Variants in EXOC6B observed in about 807,000 individuals in gnomAD.
The protein encoded by EXOC6B is SEC15 homolog B.
A neutral mutation model predicts 113.5 loss-of-function variants in EXOC6B; 54 were observed. The ratio of observed to expected loss-of-function variants is 0.48; its 90% CI spans 0.38 to 0.60. The LOEUF (loss-of-function observed/expected upper bound fraction) is 0.60, where lower values mean the gene tolerates loss of function less well. Among genes scored for constraint, EXOC6B ranks in the 20% least tolerant of loss-of-function variants. The probability of loss-of-function intolerance (pLI) is 0.00; values close to 1 mark genes in which losing one functional copy is unlikely to be tolerated. For missense variants in EXOC6B, 797 were observed against 977.5 expected (o/e 0.82, Z 2.46); for synonymous variants, 357 against 339.0 (o/e 1.05, Z -0.58).
intron 20 of EXOC6B, among the ~76,000 whole-genome samples, chr2:72,300,882 A>G (rs572338582): frequency 1.3e-5 from 2 of 152,210 alleles, no homozygotes; most frequent in East Asian, 3.9e-4. Context: ...AGTCCCAATG[A>G]GATGAACCGG....
At chr2:72,299,972 G>A (rs1292298596) in intron 20 of EXOC6B, among the ~76,000 whole-genome samples, 3 of 152,148 alleles carry the variant, frequency 2.0e-5, no homozygotes, top group African/African-American at 7.2e-5. Flanking sequence ...CTAGTGGGAG[G>A]TGTCTCCCAG....
At chr2:72,575,390 G>T in intron 7 of EXOC6B, 102 bp downstream of exon 7, 1 of 1,035,206 alleles carries the variant, frequency 9.7e-7, no homozygotes, top group Non-Finnish European at 1.3e-6. Context: ...ATATTCAGAA[G>T]ATCACACAAA....
chr2:72,545,062 T>C (rs982376399), intron 8 of EXOC6B, among the ~76,000 whole-genome samples: 10 of 152,096 alleles, frequency 6.6e-5, no homozygotes, highest in African/African-American at 2.4e-4. Flanking sequence ...ATAACAGATA[T>C]TTACTACAGT....
chr2:72,398,034 G>A (rs1229478188), intron 18 of EXOC6B, among the ~76,000 whole-genome samples: 2 of 152,184 alleles, frequency 1.3e-5, no homozygotes, highest in Non-Finnish European at 2.9e-5. Flanking sequence ...GCCACCAGGT[G>A]CTCAAATATT....
chr2:72,701,428 G>C (rs1455091897), intron 6 of EXOC6B, among the ~76,000 whole-genome samples: 1 of 150,364 alleles, frequency 6.7e-6, no homozygotes, highest in Non-Finnish European at 1.5e-5. Context: ...TATCAAAGTT[G>C]AATATAATAG....
At chr2:72,628,176 G>C (rs1672175812) in intron 6 of EXOC6B, among the ~76,000 whole-genome samples, 1 of 151,484 alleles carries the variant, frequency 6.6e-6, no homozygotes, top group Non-Finnish European at 1.5e-5. Flanking sequence ...CCAGGCTGGA[G>C]TACAGAAGCA....
intron 2 of EXOC6B, 103 bp downstream of exon 2, chr2:72,741,201 C>T: frequency 8.8e-7 from 1 of 1,141,314 alleles, no homozygotes; most frequent in Non-Finnish European, 1.2e-6. Context: ...ATACAAAAAT[C>T]TTCACTACAA....
intron 6 of EXOC6B, among the ~76,000 whole-genome samples, chr2:72,588,280 A>T (rs1208130835): frequency 1.3e-5 from 2 of 152,148 alleles, no homozygotes; most frequent in Non-Finnish European, 2.9e-5. Flanking sequence ...AAGCAAACCA[A>T]ACATTCATCA....
chr2:72,272,494 A>G lies in EXOC6B; in HGVS notation c.2196+62453T>C, dbSNP rs1684553548. 3.3e-5 allele frequency among the ~76,000 whole-genome samples: 5 copies of G among 152,234 alleles called. No individual in the cohort carries two copies. The South Asian group carries it at 1.0e-3, about 32-fold the overall frequency. On this transcript the variant is annotated intron_variant, in intron 20 of 21. Coordinates refer to ENST00000272427, the MANE Select transcript of EXOC6B (RefSeq NM_015189.3). ...TCAAGTATACCTAGGTGCTTTCCTC[A>G]TCACTGCATTGACCTGTACCTGAAC...
chr2:72,671,160 A>C lies in EXOC6B; in HGVS notation c.669+46943T>G, dbSNP rs111310907. ...TAGGCAACAAAAGCAAAAATAGACA[A>C]ACAGGATTACATTAAGCTAAAAAGC... On this transcript the variant is annotated intron_variant, in intron 6 of 21. Coordinates refer to ENST00000272427, the MANE Select transcript of EXOC6B (RefSeq NM_015189.3). Among the ~76,000 whole-genome samples, 48 of 152,320 alleles carry C rather than the reference A, an allele frequency of 3.2e-4. 1 individual carries two copies. The highest frequency in any genetic ancestry group is 9.9e-4 in the African/African-American group (41 of 41,576).
At chr2:72,389,249 C>T (rs1445047650) in intron 18 of EXOC6B, among the ~76,000 whole-genome samples, 1 of 151,726 alleles carries the variant, frequency 6.6e-6, no homozygotes, top group Non-Finnish European at 1.5e-5. Flanking sequence ...GTATCTGAGG[C>T]TTTGTAATAA....
At chr2:72,320,940 T>G (rs1213259964) in intron 20 of EXOC6B, among the ~76,000 whole-genome samples, 2 of 151,988 alleles carry the variant, frequency 1.3e-5, no homozygotes, top group Non-Finnish European at 2.9e-5. Flanking sequence ...AATAAAATAT[T>G]TGAACAAATA....
chr2:72,643,875 AC>A (rs1212833099), intron 6 of EXOC6B, among the ~76,000 whole-genome samples: 1 of 152,036 alleles, frequency 6.6e-6, no homozygotes, highest in Non-Finnish European at 1.5e-5. Flanking sequence ...ATTCAAAAAA[AC>A]AGAGCGCCTC....
chr2:72,512,993 C>G, intron 11 of EXOC6B, 139 bp downstream of exon 11: 2 of 991,330 alleles, frequency 2.0e-6, no homozygotes, highest in Middle Eastern at 2.4e-4. Flanking sequence ...GAAGCAGCTA[C>G]TTCTATGTCT....
intron 20 of EXOC6B, among the ~76,000 whole-genome samples, chr2:72,287,430 CA>C (rs60011551): frequency 0.42 from 44,045 of 104,992 alleles, 8,777 homozygotes; most frequent in African/African-American, 0.66. Flanking sequence ...GACTTCATCT[CA>C]AAAAAAAAAA....
chr2:72,572,959 G>A (rs1335434473), intron 7 of EXOC6B, among the ~76,000 whole-genome samples: 1 of 152,116 alleles, frequency 6.6e-6, no homozygotes, highest in African/African-American at 2.4e-5. Flanking sequence ...CTTGATTTGA[G>A]ATATGGAACC....
At chr2:72,365,527 A>G (rs1232419850) in intron 19 of EXOC6B, among the ~76,000 whole-genome samples, 1 of 152,168 alleles carries the variant, frequency 6.6e-6, no homozygotes, top group East Asian at 1.9e-4. Flanking sequence ...AAGGGAGAGA[A>G]CTGAAACAGA....
intron 18 of EXOC6B, among the ~76,000 whole-genome samples, chr2:72,440,133 G>A (rs1696114106): frequency 6.6e-6 from 1 of 152,160 alleles, no homozygotes; most frequent in South Asian, 2.1e-4. Context: ...CTGTTGGGAG[G>A]TCTCACCTAG....
rs374773725 is a variant in EXOC6B, at chr2:72,379,810, G to C, written c.2041C>G (p.Gln681Glu). The change falls in exon 19 of 22, where the codon CAA becomes GAA. Residue 681 changes from glutamine to glutamate, a missense_variant. Physicochemically the swap from Gln to Glu is conservative, Grantham distance 29. Transcript: ENST00000272427. ...CGCACTTCAGCTTCCAACAAAAGTT[G>C]CATCAAGGATGTGGCTAAATGCTTG... ...ACKHLATSLM[Q>E]LLLEAEVRQL... is the part of the protein sequence containing the mutation. The C allele has an allele frequency of 2.5e-6, 4 of 1,613,210 alleles. No homozygotes were observed. The highest frequency in any genetic ancestry group is 3.3e-5 in the Admixed American group (2 of 59,928).
Sources: allele counts gnomAD v4.1 joint callset (sites outside exome capture counted in the v4.1 genomes callset), GRCh38; gene constraint gnomAD v4.1.1; transcripts MANE v1.5; gene names NCBI Gene and HGNC (gene_info 2026-07-23, HGNC 2026-07-21).